The following DENND2A variants were observed in gnomAD, a reference collection of about 807,000 sequenced individuals.
DENND2A encodes the protein DENN domain-containing protein 2A.
DENND2A carries 53 observed loss-of-function variants against 105.3 expected under a neutral mutation model. That is an observed-to-expected ratio of 0.50 (90% CI 0.40 to 0.63). DENND2A has a LOEUF of 0.63. DENND2A is among the 30% of genes least tolerant of loss of function. The pLI, the probability that DENND2A is intolerant of heterozygous loss-of-function variation, is 0.00. For missense variants in DENND2A, 1,138 were observed against 1,279.6 expected, an observed-to-expected ratio of 0.89 and a Z score of 1.69; for synonymous variants, 522 against 508.4, an observed-to-expected ratio of 1.03 and a Z score of -0.36.
rs112877005 is a variant in DENND2A at position 140,551,279 on chromosome 7, G to A, written c.2038-4340C>T. Among the ~76,000 whole-genome samples, 753 of 126,456 alleles carry A rather than the reference G, an allele frequency of 6.0e-3. 3 individuals are homozygous for A. Among genetic ancestry groups the A allele is most frequent in the African/African-American group, 0.022 (720 of 32,786 alleles). 83.0% of individuals were successfully genotyped at this position (126,456 alleles called of 152,430 possible). A position where few individuals can be genotyped will look rare whatever the true frequency, so the allele number is the denominator to read the frequency against. On this transcript the variant is annotated intron_variant, in intron 12 of 19. Transcript: ENST00000496613. ...CACGCCACTGCCCTCCAGCCTGGGC[G>A]ACAGAGCAAGACTCCATCTCAAAAA...
At chr7:140,615,470 G>A (rs1194382254) in intron 1 of DENND2A, among the ~76,000 whole-genome samples, 1 of 151,848 alleles carries the variant, frequency 6.6e-6, no homozygotes, top group Admixed American at 6.6e-5. Context: ...GTAGATGGAG[G>A]CAGTACCAAA....
chr7:140,567,199 G>A lies in DENND2A; in HGVS notation c.1666C>T (p.Leu556Phe), dbSNP rs371604238. Residue 556 changes from leucine to phenylalanine, a missense_variant, in exon 9 of 20, where the codon CTC (leucine) becomes TTC (phenylalanine). Transcript: ENST00000496613. ...AGCTGCCTCTCCTGGTACTCGATGA[G>A]TTCCCGGGCAAGTGATGGGTACCGA... ...APRYPSLARE[L>F]IEYQERQLFE... The A allele has an allele frequency of 2.2e-5, 35 of 1,613,904 alleles. No homozygotes were observed. In the Admixed American group the frequency reaches 2.3e-4, roughly 11 times the overall value.
chr7:140,557,665 G>A (rs1412678620), intron 11 of DENND2A, among the ~76,000 whole-genome samples: 42 of 142,942 alleles, frequency 2.9e-4, no homozygotes, highest in Admixed American at 1.7e-3. Flanking sequence ...TCAGCCTCCC[G>A]TGTAGCTGGG....
intron 5 of DENND2A, 117 bp from the exon 6 acceptor site, chr7:140,574,125 C>A: frequency 1.7e-6 from 2 of 1,195,000 alleles, no homozygotes; most frequent in Admixed American, 2.0e-5. Flanking sequence ...GTCTATGTTC[C>A]CAGGTTAGGT....
chr7:140,634,241 G>A (rs1375821082), intron 1 of DENND2A, among the ~76,000 whole-genome samples: 3 of 151,706 alleles, frequency 2.0e-5, no homozygotes, highest in South Asian at 4.2e-4. Context: ...CTCGTGATCC[G>A]CCTGCCTTGG....
chr7:140,573,626 A>G (rs1412845692), intron 6 of DENND2A, among the ~76,000 whole-genome samples, 182 bp downstream of exon 6: 2 of 152,182 alleles, frequency 1.3e-5, no homozygotes, highest in Non-Finnish European at 2.9e-5. Flanking sequence ...CAGGACCACA[A>G]AAATGATCAG....
intron 1 of DENND2A, among the ~76,000 whole-genome samples, chr7:140,608,137 T>C (rs995021931): frequency 5.9e-5 from 9 of 152,098 alleles, no homozygotes; most frequent in African/African-American, 2.2e-4. Flanking sequence ...AATGACATGA[T>C]ACTTAAGTGA....
intron 5 of DENND2A, among the ~76,000 whole-genome samples, chr7:140,575,123 C>T (rs561098097): frequency 1.1e-4 from 17 of 152,042 alleles, no homozygotes; most frequent in South Asian, 6.2e-4. Context: ...TCCCAAAATA[C>T]GCTACAAATT....
chr7:140,586,667 C>T (rs1798796651), intron 4 of DENND2A, among the ~76,000 whole-genome samples: 1 of 152,222 alleles, frequency 6.6e-6, no homozygotes, highest in Admixed American at 6.5e-5. Context: ...GCAGTCACTG[C>T]TAAGAGAAGT....
intron 13 of DENND2A, among the ~76,000 whole-genome samples, chr7:140,545,911 C>T (rs1251616550): frequency 6.6e-6 from 1 of 152,166 alleles, no homozygotes; most frequent in African/African-American, 2.4e-5. Flanking sequence ...GTTTCAGGTT[C>T]TCTAGCAACA....
intron 19 of DENND2A, among the ~76,000 whole-genome samples, chr7:140,519,253 G>A (rs1795767415): frequency 6.6e-6 from 1 of 152,198 alleles, no homozygotes; most frequent in East Asian, 1.9e-4. Context: ...TACAGTCCTT[G>A]TAAGTGTCAC....
intron 1 of DENND2A, among the ~76,000 whole-genome samples, chr7:140,636,684 CTTTTTTTT>C (rs35563637): frequency 4.1e-5 from 4 of 98,384 alleles, no homozygotes; most frequent in African/African-American, 1.6e-4. Context: ...CCTCCCCAGC[CTTTTTTTT>C]TTTTTTTTTT....
At chr7:140,563,836 G>A (rs1047514493) in intron 9 of DENND2A, among the ~76,000 whole-genome samples, 2 of 151,934 alleles carry the variant, frequency 1.3e-5, no homozygotes, top group African/African-American at 4.8e-5. Flanking sequence ...AAATAAGCTG[G>A]GCATGGTTGC....
At chr7:140,562,189 G>A (rs950344556) in intron 9 of DENND2A, among the ~76,000 whole-genome samples, 6 of 150,042 alleles carry the variant, frequency 4.0e-5, no homozygotes, top group East Asian at 2.1e-4. Flanking sequence ...CGCCCGGCCC[G>A]AGCTCCACTT....
In DENND2A at chr7:140,601,508, G is replaced by A. The variant is rs374255633; in HGVS notation, c.890C>T (p.Pro297Leu). The A allele has an allele frequency of 1.3e-5, 21 of 1,614,142 alleles. No homozygotes were observed. Among genetic ancestry groups the A allele is most frequent in the South Asian group, 7.7e-5 (7 of 91,086 alleles). ...IGFRKEKRNL[P>L]PLPSLPPPPL... ...CGGGGGAGGTAGAGAGGGCAGAGGA[G>A]GCAGATTTCTTTTCTCTTTCCTGAA... Residue 297 changes from proline (P) to leucine (L), a missense_variant, in exon 3 of 20, where the codon CCT becomes CTT. Physicochemically the swap from Pro to Leu is moderately conservative, Grantham distance 98. This residue lies in a region of DENND2A where 511 missense variants were observed against 499.9 expected (regional missense o/e 1.02). Coordinates refer to ENST00000496613, the MANE Select transcript of DENND2A (RefSeq NM_015689.5).
chr7:140,532,827 C>T lies in DENND2A; in HGVS notation c.2328-5332G>A, dbSNP rs1796314627. ...ATCTCTTGATCTCTGGAGTTCAAGT[C>T]CAGCCTGGGCAACATAGTTAGATCC... is the stretch of plus-strand genomic sequence containing the variant. On this transcript the variant is annotated intron_variant, in intron 14 of 19. Transcript: ENST00000496613. Among the ~76,000 whole-genome samples, 2 of 151,934 alleles carry T rather than the reference C, an allele frequency of 1.3e-5. 1 individual carries two copies. Among genetic ancestry groups the T allele is most frequent in the Non-Finnish European group, 2.9e-5 (2 of 67,992 alleles).
chr7:140,543,912 G>A (rs1216858755), intron 14 of DENND2A: 1 of 150,214 alleles, frequency 6.7e-6, no homozygotes, highest in East Asian at 2.0e-4. Flanking sequence ...TTATTTTTGA[G>A]ATGGAATGTC....
chr7:140,630,109 G>A (rs993651816), intron 1 of DENND2A, among the ~76,000 whole-genome samples: 6 of 151,110 alleles, frequency 4.0e-5, no homozygotes, highest in African/African-American at 9.7e-5. Flanking sequence ...GAGCCACTGC[G>A]CCAGGTCTTT....
chr7:140,523,161 A>G lies in DENND2A; in HGVS notation c.2665+146T>C. On this transcript the variant is annotated intron_variant, in intron 17 of 19. Coordinates refer to ENST00000496613, the MANE Select transcript of DENND2A (RefSeq NM_015689.5). This position sits in a 1 kb window ranked among gnomAD's most constrained non-coding sequence, Gnocchi z 4.5. ...TTCCCACAATTCACTGTGGGAATGA[A>G]ATCCAGATAAACAGAATGAGGCCCT... 1.3e-6 allele frequency: 1 copy of G among 757,520 alleles called. No individual in the cohort carries two copies. The highest frequency in any genetic ancestry group is 2.2e-6 in the Non-Finnish European group (1 of 449,658). 46.9% of individuals were successfully genotyped at this position (757,520 alleles called of 1,614,324 possible). A position where few individuals can be genotyped will look rare whatever the true frequency, so the allele number is the denominator to read the frequency against.
Sources: allele counts gnomAD v4.1 joint callset (sites outside exome capture counted in the v4.1 genomes callset), GRCh38; gene constraint gnomAD v4.1.1; regional missense constraint gnomAD v4.1.1; non-coding constraint Gnocchi (gnomAD v3.1); transcripts MANE v1.5; gene names NCBI Gene and HGNC (gene_info 2026-07-23, HGNC 2026-07-21).